Variants in ERCC2 observed in about 807,000 individuals in gnomAD.
ERCC2 encodes the protein general transcription and DNA repair factor IIH helicase subunit XPD.
A neutral mutation model predicts 99.4 loss-of-function variants in ERCC2; 90 were observed. The observed-to-expected ratio is 0.91, with a 90% CI of 0.76 to 1.08. ERCC2 has a LOEUF of 1.08. Among genes scored for constraint, ERCC2 ranks in the 50% least tolerant of loss-of-function variants. The pLI is 0.00. For missense variants in ERCC2, 993 were observed against 1,038.1 expected (o/e 0.96, Z 0.60); for synonymous variants, 497 against 432.4 (o/e 1.15, Z -1.85).
At chr19:45,367,519 A>AT (rs11429224) in intron 5 of ERCC2, among the ~76,000 whole-genome samples, 91,643 of 144,384 alleles carry the variant, frequency 0.63, 30,435 homozygotes, top group African/African-American at 0.86. Flanking sequence ...AGTGAGTACA[A>AT]TTTTTTTTTT....
At chr19:45,353,865 A>C (rs1414073590) in intron 17 of ERCC2, among the ~76,000 whole-genome samples, 3 of 152,322 alleles carry the variant, frequency 2.0e-5, no homozygotes, top group African/African-American at 7.2e-5. Flanking sequence ...GGTACCTCAT[A>C]GACCTGGATG....
chr19:45,363,974 G>T lies in ERCC2; in HGVS notation c.949+12C>A, dbSNP rs1320950677. 7 of 1,538,776 alleles carry T rather than the reference G, an allele frequency of 4.5e-6. No individual in the cohort carries two copies. Among genetic ancestry groups the T allele is most frequent in the Admixed American group, 2.0e-5 (1 of 51,072 alleles). The stretch of plus-strand genomic sequence containing the variant: ...GAAAGGGACTGGGGGGCAGCGGGGG[G>T]TCGGGGCTCACCCTGCAGCACTTCG... On this transcript the variant is annotated intron_variant, in intron 10 of 22. Transcript: ENST00000391945.
In ERCC2 at chr19:45,351,091, G is replaced by T. The variant is rs951500221; in HGVS notation, c.*538C>A. ...GCAGAGATGAGGCAAAGGCAGGGCGGTCGGGCCAGTGGTGGAGTCAGCAGG... is the reference window on the plus strand; with the variant it reads ...GCAGAGATGAGGCAAAGGCAGGGCGTTCGGGCCAGTGGTGGAGTCAGCAGG... On this transcript the variant is annotated 3_prime_UTR_variant, in exon 23 of 23. Coordinates refer to ENST00000391945, the MANE Select transcript of ERCC2 (RefSeq NM_000400.4). 7 of 1,611,746 alleles carry T rather than the reference G, an allele frequency of 4.3e-6. No individual in the cohort carries two copies. In the African/African-American group the frequency reaches 8.0e-5, roughly 18 times the overall value.
At chr19:45,360,324 C>T (rs1331873106) in intron 12 of ERCC2, among the ~76,000 whole-genome samples, 13 of 151,482 alleles carry the variant, frequency 8.6e-5, no homozygotes, top group Non-Finnish European at 1.5e-4. Flanking sequence ...CCTCGAGATC[C>T]GCCCGCCTCG....
chr19:45,364,570 T>C (rs2123292974), intron 7 of ERCC2, 23 bp from the exon 8 acceptor site: 1 of 1,611,150 alleles, frequency 6.2e-7, no homozygotes, highest in Non-Finnish European at 8.5e-7. Flanking sequence ...GGAGCAGGGT[T>C]ACCAGGGCCC....
Position 45,370,130 on chromosome 19 carries a change from C to T in ERCC2, c.105+3G>A. 1.9e-6 allele frequency: 3 copies of T among 1,612,880 alleles called. No homozygotes were observed. Among genetic ancestry groups the T allele is most frequent in the Non-Finnish European group, 2.5e-6 (3 of 1,179,184 alleles). On this transcript the variant is annotated splice_donor_region_variant and intron_variant, in intron 2 of 22. Coordinates refer to ENST00000391945, the MANE Select transcript of ERCC2 (RefSeq NM_000400.4). ...GGGCGGGTCGGGCCCACCGGCCACC[C>T]ACCTTGGCGTCCAGCGTGCGTTTGA...
chr19:45,356,583 G>A (rs571147355), intron 15 of ERCC2, among the ~76,000 whole-genome samples: 6 of 152,334 alleles, frequency 3.9e-5, no homozygotes, highest in South Asian at 4.1e-4. Flanking sequence ...GACCAGGCGG[G>A]CGGATCACTT....
chr19:45,358,103 T>G (rs1005474688), intron 12 of ERCC2: 3 of 314,026 alleles, frequency 9.6e-6, no homozygotes, highest in Admixed American at 8.6e-5. Context: ...TAGAGTGCAG[T>G]GGCATGATCT....
intron 12 of ERCC2, 155 bp from the exon 13 acceptor site, chr19:45,357,854 A>C (rs948533054): frequency 1.4e-6 from 1 of 723,166 alleles, no homozygotes; most frequent in Non-Finnish European, 2.4e-6. Context: ...TTAAGCCCCA[A>C]ACCAGGCATC....
chr19:45,351,157 G>A lies in ERCC2; in HGVS notation c.*472C>T. 1 of 1,592,066 alleles carries A rather than the reference G, an allele frequency of 6.3e-7. No individual in the cohort carries two copies. The highest frequency in any genetic ancestry group is 2.2e-5 in the East Asian group (1 of 44,644). ...AGAAGAGACCCAGGACAGGAGCAAA[G>A]ATGGGTTTTACTTGGGGTAGAGGCG... On this transcript the variant is annotated 3_prime_UTR_variant, in exon 23 of 23. Transcript: ENST00000391945.
intron 19 of ERCC2, 101 bp downstream of exon 19, chr19:45,352,982 C>T (rs1971871014): frequency 7.4e-7 from 1 of 1,358,536 alleles, no homozygotes; most frequent in African/African-American, 1.4e-5. Flanking sequence ...TGCACCTAGG[C>T]TGGGGGTGGG....
chr19:45,354,179 G>A (rs1971932615), intron 17 of ERCC2, among the ~76,000 whole-genome samples: 1 of 152,220 alleles, frequency 6.6e-6, no homozygotes, highest in Non-Finnish European at 1.5e-5. Flanking sequence ...GAGGCACAAA[G>A]TGCAGAGTGG....
chr19:45,364,415 C>A lies in ERCC2; in HGVS notation c.718+9G>T. On this transcript the variant is annotated intron_variant, in intron 8 of 22. Transcript: ENST00000391945. The stretch of plus-strand genomic sequence containing the variant: ...CTGGCATCCCTTTGGCCCCTGGCGC[C>A]CCCCTCACCAATGTTGTGGGCCTCG... The A allele has an allele frequency of 6.2e-7, 1 of 1,613,930 alleles. No homozygotes were observed. The highest frequency in any genetic ancestry group is 8.5e-7 in the Non-Finnish European group (1 of 1,179,994).
chr19:45,368,227 G>A (rs968858472), intron 5 of ERCC2, among the ~76,000 whole-genome samples: 7 of 152,050 alleles, frequency 4.6e-5, no homozygotes, highest in African/African-American at 1.4e-4. Context: ...TAAGGGCATC[G>A]GCTGCAACAT....
At chr19:45,359,694 C>T (rs1031276774) in intron 12 of ERCC2, among the ~76,000 whole-genome samples, 2 of 152,204 alleles carry the variant, frequency 1.3e-5, no homozygotes, top group Non-Finnish European at 2.9e-5. Context: ...CTCCCCATGG[C>T]CACATCCTGG....
In ERCC2 at chr19:45,364,878, C is replaced by T. The variant is rs1451258340; in HGVS notation, c.554G>A (p.Arg185Gln). The change falls in exon 7 of 23, where the codon CGG becomes CAG. Residue 185 changes from arginine to glutamine, a missense_variant. Around this residue, in one of 3 missense-constraint regions of ERCC2, gnomAD observed 909 missense variants for 930.8 expected, o/e 0.98. Coordinates refer to ENST00000391945, the MANE Select transcript of ERCC2 (RefSeq NM_000400.4). ...GAAGTATGGGCACCAGCCCTGGCGC[C>T]GCCCCAGGGCCTTCAGGTCATCCAG... ...YNLDDLKALG[R>Q]RQGWCPYFLA... 14 of 1,613,632 alleles carry T rather than the reference C, an allele frequency of 8.7e-6. No homozygotes were observed. The highest frequency in any genetic ancestry group is 1.7e-5 in the Admixed American group (1 of 60,002).
intron 5 of ERCC2, among the ~76,000 whole-genome samples, 184 bp from the exon 6 acceptor site, chr19:45,365,342 C>T (rs1284816974): frequency 6.6e-6 from 1 of 152,186 alleles, no homozygotes; most frequent in Non-Finnish European, 1.5e-5. Context: ...TTGGGCTGGG[C>T]GCGGTGGCTC....
chr19:45,354,095 G>A (rs1310224992), intron 17 of ERCC2, among the ~76,000 whole-genome samples: 4 of 152,174 alleles, frequency 2.6e-5, no homozygotes, highest in African/African-American at 7.2e-5. Flanking sequence ...TCCAATACCT[G>A]GATTAGCCAA....
chr19:45,357,974 A>C, intron 12 of ERCC2: 1 of 546,290 alleles, frequency 1.8e-6, no homozygotes. Flanking sequence ...TCACTCTCCC[A>C]GCACCGCATG....
Sources: allele counts gnomAD v4.1 joint callset (sites outside exome capture counted in the v4.1 genomes callset), GRCh38; gene constraint gnomAD v4.1.1; regional missense constraint gnomAD v4.1.1; transcripts MANE v1.5; gene names NCBI Gene and HGNC (gene_info 2026-07-23, HGNC 2026-07-21).